The following CRYBA4 variants were observed in gnomAD, a reference collection of about 807,000 sequenced individuals.
CRYBA4 encodes the protein beta-crystallin A4.
Under a neutral mutation model 31.7 loss-of-function variants are expected in CRYBA4, and 30 were observed. The observed-to-expected ratio is 0.95, with a 90% CI of 0.71 to 1.28. The LOEUF is 1.28. CRYBA4 is among the 50% of genes most tolerant of loss of function. The probability of loss-of-function intolerance (pLI) is 0.00; values close to 1 mark genes in which losing one functional copy is unlikely to be tolerated. For missense variants in CRYBA4, 225 were observed against 260.7 expected (o/e 0.86, Z 0.94); for synonymous variants, 102 against 102.3 (o/e 1.00, Z 0.02).
chr22:26,616,601 C>T, the CRYBA4 span, among the ~76,000 whole-genome samples: 465 of 152,332 alleles, frequency 3.1e-3, 3 homozygotes, highest in Non-Finnish European at 3.5e-3. Flanking sequence ...TCCATTACCC[C>T]GCTAGGTCCT....
At chr22:26,602,420 A>T in the CRYBA4 span, among the ~76,000 whole-genome samples, 1 of 151,994 alleles carries the variant, frequency 6.6e-6, no homozygotes, top group Admixed American at 6.5e-5. Context: ...CCTGTCTCTC[A>T]AAAAAATAAT....
rs769467040 is a variant in CRYBA4, at chr22:26,625,597, C to A, written c.275C>A (p.Thr92Asn). The A allele has an allele frequency of 1.2e-6, 2 of 1,613,988 alleles. No individual in the cohort carries two copies. The highest frequency in any genetic ancestry group is 4.5e-5 in the East Asian group (2 of 44,882). ...GNTAYPAERLTSFRPAACANH... is the reference protein window; with the variant it reads ...GNTAYPAERLNSFRPAACANH... ...ACGGCCTACCCCGCCGAGAGGCTCACCTCCTTCCGGCCTGCGGCCTGTGCT... is the reference window on the plus strand; with the variant it reads ...ACGGCCTACCCCGCCGAGAGGCTCAACTCCTTCCGGCCTGCGGCCTGTGCT... The change falls in exon 4 of 6, where the codon ACC becomes AAC. Residue 92 changes from threonine (T) to asparagine (N), a missense_variant. Transcript: ENST00000354760.
the CRYBA4 span, chr22:26,607,838 T>C: frequency 6.2e-7 from 1 of 1,613,234 alleles, no homozygotes; most frequent in Non-Finnish European, 8.5e-7. Context: ...GACTTACACC[T>C]GCCCTGCCCC....
the CRYBA4 span, among the ~76,000 whole-genome samples, chr22:26,594,608 T>C: frequency 6.6e-6 from 1 of 152,148 alleles, no homozygotes; most frequent in African/African-American, 2.4e-5. Flanking sequence ...ACACTCCTGC[T>C]TGAACCCGGG....
chr22:26,622,786 G>A, intron 2 of CRYBA4, 151 bp downstream of exon 2: 1 of 686,910 alleles, frequency 1.5e-6, no homozygotes, highest in Admixed American at 2.3e-5. Flanking sequence ...CACATACAGG[G>A]AGGTTGAATG....
intron 5 of CRYBA4, among the ~76,000 whole-genome samples, chr22:26,629,008 G>T (rs1259366420): frequency 1.3e-5 from 2 of 152,214 alleles, no homozygotes; most frequent in South Asian, 4.1e-4. Context: ...AGAGGCCACA[G>T]GCTCTTTGGC....
upstream of CRYBA4, chr22:26,621,956 C>T: frequency 5.1e-6 from 5 of 985,676 alleles, no homozygotes; most frequent in Non-Finnish European, 6.0e-6. Flanking sequence ...CGGCTGGTCT[C>T]AGATCTGACA....
chr22:26,620,588 G>A (rs1394107539), upstream of CRYBA4, among the ~76,000 whole-genome samples: 3 of 132,436 alleles, frequency 2.3e-5, no homozygotes, highest in Non-Finnish European at 4.7e-5. Flanking sequence ...TTTTTGAGAC[G>A]GGGTCTTGCT....
chr22:26,629,794 G>GCC (rs1929866873), intron 5 of CRYBA4, among the ~76,000 whole-genome samples: 2 of 145,650 alleles, frequency 1.4e-5, no homozygotes, highest in African/African-American at 5.1e-5. Flanking sequence ...TCTTGGAAGT[G>GCC]CCTCTGGATA....
At chr22:26,624,770 C>A (rs1027586298) in intron 3 of CRYBA4, among the ~76,000 whole-genome samples, 1 of 152,174 alleles carries the variant, frequency 6.6e-6, no homozygotes, top group Non-Finnish European at 1.5e-5. Context: ...TCCTACTGGA[C>A]GACACCAAAA....
rs904255095 is a variant in CRYBA4, at chr22:26,630,617, C to T, written c.*130C>T. On this transcript the variant is annotated 3_prime_UTR_variant, in exon 6 of 6. Transcript: ENST00000354760. ...AACCCAGCACCCATGTGAACTGGTC[C>T]GTGCACAGTCAGCACAAAAAACTCA... 9 of 724,216 alleles carry T rather than the reference C, an allele frequency of 1.2e-5. No homozygotes were observed. The highest frequency in any genetic ancestry group is 7.4e-5 in the Admixed American group (3 of 40,540). 44.9% of individuals were successfully genotyped at this position (724,216 alleles called of 1,614,324 possible). A position where few individuals can be genotyped will look rare whatever the true frequency, so the allele number is the denominator to read the frequency against.
chr22:26,593,595 G>A, the CRYBA4 span, among the ~76,000 whole-genome samples: 16 of 151,220 alleles, frequency 1.1e-4, 1 homozygote, highest in Middle Eastern at 3.4e-3. Flanking sequence ...GTGTGATCTC[G>A]GCTCACTGCA....
At chr22:26,623,392 C>A in intron 3 of CRYBA4, 40 bp downstream of exon 3, 1 of 1,500,842 alleles carries the variant, frequency 6.7e-7, no homozygotes, top group Non-Finnish European at 9.3e-7. Flanking sequence ...AGAGGGTGGA[C>A]AGGAAGGGAC....
intron 5 of CRYBA4, among the ~76,000 whole-genome samples, chr22:26,628,691 C>T (rs1036731509): frequency 6.6e-6 from 1 of 152,200 alleles, no homozygotes; most frequent in Non-Finnish European, 1.5e-5. Context: ...AGGTATCTCT[C>T]TCCCCCCACA....
the CRYBA4 span, among the ~76,000 whole-genome samples, chr22:26,613,687 CTGCACAAAT>C: frequency 1.3e-5 from 2 of 152,142 alleles, no homozygotes; most frequent in Non-Finnish European, 2.9e-5. Flanking sequence ...ATTGCATTAA[CTGCACAAAT>C]TGTACAGCAT....
At chr22:26,618,663 A>G (rs903710742), upstream of CRYBA4, among the ~76,000 whole-genome samples, 8 of 152,142 alleles carry the variant, frequency 5.3e-5, no homozygotes, top group Non-Finnish European at 1.2e-4. Context: ...GAAGGCACAG[A>G]GAGGTCAGAG....
rs1260728157 is a variant in CRYBA4 at position 26,622,602 on chromosome 22, C to T, written c.6C>T (p.Thr2=). 1 of 1,613,354 alleles carries T rather than the reference C, an allele frequency of 6.2e-7. No homozygotes were observed. The highest frequency in any genetic ancestry group is 1.7e-5 in the Admixed American group (1 of 59,976). ...TTCTGCAGGAAGGGGCCACAATGAC[C>T]CTGCAATGCACAAAGTCAGCGGGAC... The part of the protein sequence containing the change: M[T]LQCTKSAGPW... The change falls in exon 2 of 6, where the codon ACC becomes ACT. Residue 2 remains threonine, a synonymous_variant. Coordinates refer to ENST00000354760, the MANE Select transcript of CRYBA4 (RefSeq NM_001886.3).
chr22:26,627,634 TTCTC>T lies in CRYBA4; in HGVS notation c.301-644_301-641del, dbSNP rs771986344. Among the ~76,000 whole-genome samples the T allele has an allele frequency of 4.6e-5, 6 of 131,868 alleles. No individual in the cohort carries two copies. In the South Asian group the frequency reaches 1.0e-3, roughly 22 times the overall value. The allele number at this position is 131,868 out of a possible 152,430, so 86.5% of individuals were successfully genotyped here. A position where few individuals can be genotyped will look rare whatever the true frequency, so the allele number is the denominator to read the frequency against. ...TCTCTCTCTCTCCTTCCTTCCTTCC[TTCTC>T]TCTCTCTCTTTCTTTCTTTCTTTCT... On this transcript the variant is annotated intron_variant, in intron 4 of 5. Coordinates refer to ENST00000354760, the MANE Select transcript of CRYBA4 (RefSeq NM_001886.3).
chr22:26,624,639 A>G (rs888910809), intron 3 of CRYBA4, among the ~76,000 whole-genome samples: 5 of 152,284 alleles, frequency 3.3e-5, no homozygotes, highest in African/African-American at 9.6e-5. Context: ...GAGGCTTTCT[A>G]GGGGTATGTC....
Sources: gnomAD v4.1 joint callset for allele counts (sites outside exome capture counted in the v4.1 genomes callset) on GRCh38, gnomAD v4.1.1 for gene constraint, MANE v1.5 for transcripts, NCBI Gene and HGNC (gene_info 2026-07-23, HGNC 2026-07-21) for gene names.